MAP3K11: variants seen among roughly 807,000 people sequenced by gnomAD.
The protein encoded by MAP3K11 is mitogen-activated protein kinase kinase kinase 11, also known as SH3 domain-containing proline-rich kinase.
MAP3K11 carries 46 observed loss-of-function variants against 84.9 expected under a neutral mutation model. The observed-to-expected ratio is 0.54, with a 90% CI of 0.43 to 0.69. The LOEUF is 0.69. Ranked by LOEUF, MAP3K11 falls within the 30% of genes least tolerant of loss-of-function variation. The pLI is 0.00. For synonymous variants in MAP3K11, 527 were observed against 514.7 expected (o/e 1.02, Z -0.32); for missense variants, 1,053 against 1,198.3 (o/e 0.88, Z 1.79).
chr11:65,603,155 C>T (rs1854472972), intron 8 of MAP3K11, among the ~76,000 whole-genome samples: 1 of 152,138 alleles, frequency 6.6e-6, no homozygotes, highest in Non-Finnish European at 1.5e-5. Context: ...TAGGGTCCAG[C>T]AGACAAAATG....
intron 1 of MAP3K11, chr11:65,612,017 G>A (rs1402201473): frequency 6.6e-6 from 1 of 152,298 alleles, no homozygotes; most frequent in East Asian, 1.9e-4. Context: ...GGTCAGCCCA[G>A]GCCAGGAGGC....
chr11:65,608,115 C>A, intron 2 of MAP3K11, 45 bp from the exon 3 acceptor site: 3 of 1,604,000 alleles, frequency 1.9e-6, no homozygotes, highest in Non-Finnish European at 2.6e-6. Flanking sequence ...CTCTCCCAAC[C>A]CCCACCCCCT....
At position 65,608,473 on chromosome 11, in the gene MAP3K11, G is replaced by C. The variant is rs774658431; in HGVS notation, c.740-25C>G. On this transcript the variant is annotated intron_variant, in intron 1 of 9. Coordinates refer to ENST00000309100, the MANE Select transcript of MAP3K11 (RefSeq NM_002419.4). ...ACTAGAGAAGAGGGGCCAGATTGTG[G>C]ATGCTCCAGGATCAGGTGGTGGGGA... 53 of 1,611,406 alleles carry C rather than the reference G, an allele frequency of 3.3e-5. 2 individuals carry two copies. In the South Asian group the frequency reaches 5.8e-4, roughly 18 times the overall value.
intron 8 of MAP3K11, among the ~76,000 whole-genome samples, chr11:65,601,795 CATTTTTATA>C (rs1407295002): frequency 2.9e-5 from 4 of 139,776 alleles, no homozygotes; most frequent in Non-Finnish European, 6.2e-5. Flanking sequence ...ATGAAGAATC[CATTTTTATA>C]ATCCTTGCAC....
chr11:65,607,215 T>G (rs1854520022), intron 5 of MAP3K11, 55 bp downstream of exon 5: 2 of 1,430,338 alleles, frequency 1.4e-6, no homozygotes, highest in African/African-American at 1.5e-5. Flanking sequence ...CAGGCCTGGC[T>G]CCACCCCCAC....
Position 65,607,518 on chromosome 11 carries a change from G to A in MAP3K11, c.1246-5C>T. On this transcript the variant is annotated splice_polypyrimidine_tract_variant and splice_region_variant and intron_variant, in intron 4 of 9. Transcript: ENST00000309100. ...CTCCTCGCGGCTCAGTAGTTCCTGCGCCCGAGACAGCGATGGTGGAGAGGT... is the reference window on the plus strand; with the variant it reads ...CTCCTCGCGGCTCAGTAGTTCCTGCACCCGAGACAGCGATGGTGGAGAGGT... The A allele has an allele frequency of 2.6e-6, 4 of 1,561,102 alleles. No individual in the cohort carries two copies. The highest frequency in any genetic ancestry group is 3.4e-6 in the Non-Finnish European group (4 of 1,160,632).
At position 65,599,526 on chromosome 11, in the gene MAP3K11, G is replaced by A; in HGVS notation, c.2074C>T (p.Pro692Ser). 1 of 1,491,496 alleles carries A rather than the reference G, an allele frequency of 6.7e-7. No individual in the cohort carries two copies. Among genetic ancestry groups the A allele is most frequent in the South Asian group, 1.3e-5 (1 of 74,952 alleles). 92.4% of individuals were successfully genotyped at this position (1,491,496 alleles called of 1,614,324 possible). A position where few individuals can be genotyped will look rare whatever the true frequency, so the allele number is the denominator to read the frequency against. Reference protein sequence around the residue: ...TPAPCPTEPPPSPLICFSLKT... With the variant: ...TPAPCPTEPPSSPLICFSLKT... Reference sequence around the variant, plus strand: ...AGCGAGAAGCAGATGAGCGGGGAAGGGGGCGGCTCGGTCGGGCAGGGCGCG... The same window carrying A: ...AGCGAGAAGCAGATGAGCGGGGAAGAGGGCGGCTCGGTCGGGCAGGGCGCG... Residue 692 changes from proline (P) to serine (S), a missense_variant, in exon 9 of 10, where the codon CCT (proline) becomes TCT (serine). By Grantham distance (74) the Pro-to-Ser change is moderately conservative. Coordinates refer to ENST00000309100, the MANE Select transcript of MAP3K11 (RefSeq NM_002419.4).
chr11:65,609,742 T>C (rs1366717528), intron 1 of MAP3K11: 2 of 152,274 alleles, frequency 1.3e-5, no homozygotes, highest in African/African-American at 2.4e-5. Context: ...ACGGCTGTCA[T>C]GGGGGCAGCA....
chr11:65,598,767 C>T lies in MAP3K11; in HGVS notation c.2207-139G>A, dbSNP rs757520731. On this transcript the variant is annotated intron_variant, in intron 9 of 9. Coordinates refer to ENST00000309100, the MANE Select transcript of MAP3K11 (RefSeq NM_002419.4). ...TCAACTTCCACCGCCCTTCCTGCTCCGTGGTGCCTCTGTTTTTTGTAATAG... is the reference window on the plus strand; with the variant it reads ...TCAACTTCCACCGCCCTTCCTGCTCTGTGGTGCCTCTGTTTTTTGTAATAG... 8.7e-6 allele frequency: 5 copies of T among 577,312 alleles called. 1 individual carries two copies. Among genetic ancestry groups the T allele is most frequent in the Admixed American group, 7.7e-5 (2 of 25,846 alleles). 35.8% of individuals were successfully genotyped at this position (577,312 alleles called of 1,614,324 possible). A position where few individuals can be genotyped will look rare whatever the true frequency, so the allele number is the denominator to read the frequency against.
Position 65,613,229 on chromosome 11 carries a change from G to C in MAP3K11, c.528C>G (p.Ile176Met). The change falls in exon 1 of 10, where the codon ATC becomes ATG. Residue 176 changes from isoleucine to methionine, a missense_variant. Physicochemically the swap from Ile to Met is conservative, Grantham distance 10. This residue lies in a region of MAP3K11 where 310 missense variants were observed against 464.5 expected (regional missense o/e 0.67). Coordinates refer to ENST00000309100, the MANE Select transcript of MAP3K11 (RefSeq NM_002419.4). ...CCAGGCACACAGCCTTGAGGGCAAT[G>C]ATGTTGGGGTGTGCCAGCATGGCGA... Reference protein sequence around the residue: ...RLFAMLAHPNIIALKAVCLEE... With the variant: ...RLFAMLAHPNMIALKAVCLEE... 6.3e-7 allele frequency: 1 copy of C among 1,599,260 alleles called. No homozygotes were observed. The highest frequency in any genetic ancestry group is 8.5e-7 in the Non-Finnish European group (1 of 1,170,740).
In MAP3K11 at chr11:65,606,812, T is replaced by G. The variant is rs559237415; in HGVS notation, c.1490-8A>C. ...TGATGCGGTGCTTGAAGTCTGGGAT[T>G]TGGGTTGGGGGGAGCAGGGTTCAGG... is the stretch of plus-strand genomic sequence containing the variant. On this transcript the variant is annotated splice_polypyrimidine_tract_variant and splice_region_variant and intron_variant, in intron 5 of 9. Transcript: ENST00000309100. 6.3e-7 allele frequency: 1 copy of G among 1,586,194 alleles called. No individual in the cohort carries two copies. Among genetic ancestry groups the G allele is most frequent in the East Asian group, 2.3e-5 (1 of 43,494 alleles).
In MAP3K11 at chr11:65,613,900, GC is replaced by G; in HGVS notation, c.-145del. 1.1e-6 allele frequency: 1 copy of G among 930,996 alleles called. No homozygotes were observed. Among genetic ancestry groups the G allele is most frequent in the Non-Finnish European group, 1.5e-6 (1 of 646,548 alleles). 57.7% of individuals were successfully genotyped at this position (930,996 alleles called of 1,614,324 possible). A position where few individuals can be genotyped will look rare whatever the true frequency, so the allele number is the denominator to read the frequency against. ...CCCCAGACCCACGCCTCTCTGGGGA[GC>G]CAGGAGTGTTGTCTCCCGGCCCCCC... On this transcript the variant is annotated 5_prime_UTR_variant, in exon 1 of 10. An upstream open reading frame in the 5' UTR loses its in-frame stop. Transcript: ENST00000309100.
At chr11:65,606,529 G>T in intron 6 of MAP3K11, 162 bp downstream of exon 6, 1 of 499,508 alleles carries the variant, frequency 2.0e-6, no homozygotes. Context: ...TAAAATTAAT[G>T]CTGCTTGGGG....
intron 5 of MAP3K11, 24 bp downstream of exon 5, chr11:65,607,246 G>A (rs1439431876): frequency 2.0e-6 from 3 of 1,465,198 alleles, no homozygotes; most frequent in Non-Finnish European, 8.9e-7. Flanking sequence ...AATGGCGGGG[G>A]ACGCCCCGGG....
chr11:65,603,880 C>G (rs1050359667), intron 8 of MAP3K11, among the ~76,000 whole-genome samples: 11 of 152,256 alleles, frequency 7.2e-5, no homozygotes, highest in African/African-American at 2.4e-4. Context: ...ATGTGGCCTT[C>G]TGGCCACACA....
In MAP3K11 at chr11:65,607,337, G is replaced by C; in HGVS notation, c.1422C>G (p.Arg474=). 6.6e-7 allele frequency: 1 copy of C among 1,508,240 alleles called. No homozygotes were observed. The highest frequency in any genetic ancestry group is 8.8e-7 in the Non-Finnish European group (1 of 1,137,498). The allele number at this position is 1,508,240 out of a possible 1,614,324, so 93.4% of individuals were successfully genotyped here. The change falls in exon 5 of 10, where the codon CGC becomes CGG. Residue 474 remains arginine (R), a synonymous_variant. Transcript: ENST00000309100. The part of the protein sequence containing the change: ...VDRERPHVRR[R]RGTFKRSKLR... ...GCTTGCTGCGCTTGAATGTCCCGCG[G>C]CGGCGGCGCACGTGCGGTCGCTCGC...
chr11:65,613,866 G>A lies in MAP3K11; in HGVS notation c.-110C>T. On this transcript the variant is annotated 5_prime_UTR_variant, in exon 1 of 10. Coordinates refer to ENST00000309100, the MANE Select transcript of MAP3K11 (RefSeq NM_002419.4). ...CCCGGAACCTGGGCATCCGGGCCCT[G>A]GCCCTCAGCCCCAGACCCACGCCTC... 4 of 1,266,218 alleles carry A rather than the reference G, an allele frequency of 3.2e-6. No homozygotes were observed. The highest frequency in any genetic ancestry group is 4.2e-6 in the Non-Finnish European group (4 of 946,134). 78.4% of individuals were successfully genotyped at this position (1,266,218 alleles called of 1,614,324 possible).
Position 65,599,547 on chromosome 11 carries a change from G to A in MAP3K11, c.2053C>T (p.Pro685Ser), listed in dbSNP as rs201108277. 1.1e-4 allele frequency: 171 copies of A among 1,493,138 alleles called. No individual in the cohort carries two copies. Among genetic ancestry groups the A allele is most frequent in the Non-Finnish European group, 1.4e-4 (161 of 1,129,088 alleles). The allele number at this position is 1,493,138 out of a possible 1,614,324, so 92.5% of individuals were successfully genotyped here. Residue 685 changes from proline to serine, a missense_variant, in exon 9 of 10, where the codon CCC (proline) becomes TCC (serine). By Grantham distance (74) the Pro-to-Ser change is moderately conservative. Transcript: ENST00000309100. ...PTTPPTPTPA[P>S]CPTEPPPSPL... ...GAAGGGGGCGGCTCGGTCGGGCAGG[G>A]CGCGGGCGTTGGCGTGGGGGGTGTT...
At chr11:65,601,303 T>C (rs550574045) in intron 8 of MAP3K11, among the ~76,000 whole-genome samples, 1 of 152,340 alleles carries the variant, frequency 6.6e-6, no homozygotes, top group African/African-American at 2.4e-5. Flanking sequence ...AACTGGGATG[T>C]CACTTCCTCT....
Sources: gnomAD v4.1 joint callset for allele counts (sites outside exome capture counted in the v4.1 genomes callset) on GRCh38, gnomAD v4.1.1 for gene constraint, gnomAD v4.1.1 regional missense constraint, MANE v1.5 for transcripts, NCBI Gene and HGNC (gene_info 2026-07-23, HGNC 2026-07-21) for gene names.